MEGF11: variants seen among roughly 807,000 people sequenced by gnomAD.
MEGF11 encodes multiple EGF like domains 11.
MEGF11 carries 126 observed loss-of-function variants against 146.6 expected under a neutral mutation model. The observed-to-expected ratio is 0.86, with a 90% confidence interval of 0.74 to 1.00. The LOEUF (loss-of-function observed/expected upper bound fraction) is 1.00. Among genes scored for constraint, MEGF11 ranks in the 50% least tolerant of loss-of-function variants. The pLI, the probability that MEGF11 is intolerant of heterozygous loss-of-function variation, is 0.00. For synonymous variants in MEGF11, 532 were observed against 583.4 expected (o/e 0.91, Z 1.27); for missense variants, 1,509 against 1,521.2 (o/e 0.99, Z 0.13).
At chr15:66,113,066 C>A (rs868630271) in intron 4 of MEGF11, among the ~76,000 whole-genome samples, 14 of 152,170 alleles carry the variant, frequency 9.2e-5, no homozygotes, top group Admixed American at 9.2e-4. Context: ...ATAGAGTTGA[C>A]GTGTCGAATT....
intron 5 of MEGF11, among the ~76,000 whole-genome samples, chr15:66,008,811 A>C (rs983439147): frequency 2.8e-5 from 4 of 142,754 alleles, no homozygotes; most frequent in African/African-American, 1.1e-4. Context: ...ACAACAGAAC[A>C]AGACTCTGTC....
intron 4 of MEGF11, among the ~76,000 whole-genome samples, chr15:66,101,716 G>A (rs933156934): frequency 2.6e-5 from 4 of 152,150 alleles, no homozygotes; most frequent in African/African-American, 9.7e-5. Flanking sequence ...CTCTCATCAG[G>A]GCTCTAATTG....
At chr15:66,061,139 G>T (rs1288879411) in intron 5 of MEGF11, among the ~76,000 whole-genome samples, 1 of 152,198 alleles carries the variant, frequency 6.6e-6, no homozygotes, top group Non-Finnish European at 1.5e-5. Context: ...TCACTGAAAC[G>T]TGGTGACTGA....
At chr15:66,085,111 AG>A (rs2086051223) in intron 5 of MEGF11, among the ~76,000 whole-genome samples, 1 of 152,042 alleles carries the variant, frequency 6.6e-6, no homozygotes, top group South Asian at 2.1e-4. Context: ...TAATCCTCCT[AG>A]GTACACAACT....
At chr15:66,113,305 T>C (rs890274988) in intron 4 of MEGF11, among the ~76,000 whole-genome samples, 3 of 152,142 alleles carry the variant, frequency 2.0e-5, no homozygotes, top group African/African-American at 7.2e-5. Context: ...GCCTGGAGTT[T>C]CTGGTGGATC....
At chr15:65,918,205 T>A (rs1419339346) in intron 15 of MEGF11, 111 bp from the exon 16 acceptor site, 2 of 1,506,084 alleles carry the variant, frequency 1.3e-6, no homozygotes, top group African/African-American at 1.4e-5. Context: ...CACCCAGGGG[T>A]CATGGATCTG....
rs150365413 is a variant in MEGF11, at chr15:66,141,916, C to T, written c.-8-13505G>A. ...GGGATAGGCCTCAAAAGGGGATAAG[C>T]CCTACTCCTCACTCCCCACCCTTAG... On this transcript the variant is annotated intron_variant, in intron 1 of 25. Coordinates refer to ENST00000395614, the MANE Select transcript of MEGF11 (RefSeq NM_001385028.1). Among the ~76,000 whole-genome samples, 134 of 152,248 alleles carry T rather than the reference C, an allele frequency of 8.8e-4. 1 individual carries two copies. The highest frequency in any genetic ancestry group is 8.7e-3 in the South Asian group (42 of 4,824).
intron 10 of MEGF11, among the ~76,000 whole-genome samples, chr15:65,943,539 GTAC>G (rs1253051932): frequency 6.6e-6 from 1 of 152,144 alleles, no homozygotes; most frequent in Non-Finnish European, 1.5e-5. Context: ...TGTGTCAGAG[GTAC>G]TAGATGTACA....
rs554834538 is a variant in MEGF11 at position 65,898,568 on chromosome 15, G to A, written c.3262+160C>T. 5 of 985,354 alleles carry A rather than the reference G, an allele frequency of 5.1e-6. No individual in the cohort carries two copies. The South Asian group carries it at 1.9e-4, about 37-fold the overall frequency. The allele number at this position is 985,354 out of a possible 1,614,324, so 61.0% of individuals were successfully genotyped here. ...TAATTTGACTTCCTGCATTAGCTAG[G>A]AGGGTAGTCCTAGGAAAGACAGTTC... On this transcript the variant is annotated intron_variant, in intron 25 of 25. Transcript: ENST00000395614.
chr15:66,063,326 G>A (rs1246034834), intron 5 of MEGF11, among the ~76,000 whole-genome samples: 1 of 152,186 alleles, frequency 6.6e-6, no homozygotes, highest in African/African-American at 2.4e-5. Flanking sequence ...GGTAGAGAAT[G>A]AGATGGATGG....
At position 66,146,651 on chromosome 15, in the gene MEGF11, C is replaced by T. The variant is rs185737324; in HGVS notation, c.-8-18240G>A. Among the ~76,000 whole-genome samples the T allele has an allele frequency of 5.3e-4, 80 of 152,340 alleles. 1 individual carries two copies. Among genetic ancestry groups the T allele is most frequent in the Admixed American group, 3.6e-3 (55 of 15,310 alleles). ...TGAGCACAGGCTTGGATGTTGGATC[C>T]GTGTCAAGTTGTCATGAAGTGTCTA... On this transcript the variant is annotated intron_variant, in intron 1 of 25. Transcript: ENST00000395614.
At chr15:65,906,644 C>G (rs2078637341) in intron 23 of MEGF11, 1 of 152,678 alleles carries the variant, frequency 6.5e-6, no homozygotes, top group Admixed American at 6.5e-5. Flanking sequence ...CTGGTCCTGT[C>G]TGTCCTCTCC....
intron 4 of MEGF11, among the ~76,000 whole-genome samples, chr15:66,108,170 C>T (rs769562808): frequency 2.0e-5 from 3 of 152,122 alleles, no homozygotes; most frequent in Non-Finnish European, 2.9e-5. Flanking sequence ...GGTAACGGGA[C>T]GTTGAGGAGC....
chr15:65,914,652 C>G (rs2078931425), intron 19 of MEGF11, among the ~76,000 whole-genome samples: 1 of 152,166 alleles, frequency 6.6e-6, no homozygotes, highest in South Asian at 2.1e-4. Context: ...CTAGACTTCT[C>G]CTTGACTGTT....
At chr15:65,918,189 C>T (rs2079065350) in intron 15 of MEGF11, 95 bp from the exon 16 acceptor site, 2 of 1,554,872 alleles carry the variant, frequency 1.3e-6, no homozygotes, top group Non-Finnish European at 1.7e-6. Context: ...AAGCCACAGC[C>T]ATGATCACCC....
At chr15:65,923,732 G>A (rs1417441026) in intron 13 of MEGF11, among the ~76,000 whole-genome samples, 4 of 152,200 alleles carry the variant, frequency 2.6e-5, no homozygotes, top group African/African-American at 9.7e-5. Context: ...GCTTATGGGG[G>A]AATGGATGGA....
At chr15:66,201,652 C>T (rs76653741) in intron 1 of MEGF11, among the ~76,000 whole-genome samples, 7,267 of 151,978 alleles carry the variant, frequency 0.048, 260 homozygotes, top group Middle Eastern at 0.075. Context: ...AACCTGCCTC[C>T]AGGCCGGGTA....
At chr15:66,113,310 T>C (rs2087536378) in intron 4 of MEGF11, among the ~76,000 whole-genome samples, 2 of 152,194 alleles carry the variant, frequency 1.3e-5, no homozygotes, top group South Asian at 2.1e-4. Context: ...GAGTTTCTGG[T>C]GGATCCCTCC....
intron 9 of MEGF11, among the ~76,000 whole-genome samples, chr15:65,963,088 A>T (rs1407372963): frequency 1.3e-5 from 2 of 152,066 alleles, no homozygotes; most frequent in Non-Finnish European, 1.5e-5. Context: ...GCTTGGTTAG[A>T]TTTCTGTGGC....
Sources: gnomAD v4.1 joint callset for allele counts (sites outside exome capture counted in the v4.1 genomes callset) on GRCh38, gnomAD v4.1.1 for gene constraint, MANE v1.5 for transcripts, NCBI Gene and HGNC (gene_info 2026-07-23, HGNC 2026-07-21) for gene names.